Variants in SHROOM3 observed in about 807,000 individuals in gnomAD.
SHROOM3 encodes the protein shroom family member 3, also known as protein Shroom3.
A neutral mutation model predicts 138.6 loss-of-function variants in SHROOM3; 47 were observed. That is an observed-to-expected ratio of 0.34 (90% CI 0.27 to 0.43). The LOEUF is 0.43. Among genes scored for constraint, SHROOM3 ranks in the 20% least tolerant of loss-of-function variants. The pLI, the probability that SHROOM3 is intolerant of heterozygous loss-of-function variation, is 1.00. For missense variants in SHROOM3, 2,491 were observed against 2,596.5 expected (o/e 0.96, Z 0.88); for synonymous variants, 1,062 against 1,063.3 (o/e 1.00, Z 0.02).
intron 2 of SHROOM3, among the ~76,000 whole-genome samples, chr4:76,696,468 A>G (rs1259489785): frequency 6.6e-6 from 1 of 152,240 alleles, no homozygotes; most frequent in Non-Finnish European, 1.5e-5. Context: ...ATGGGGTCAC[A>G]GTCCAGTACC....
intron 2 of SHROOM3, among the ~76,000 whole-genome samples, chr4:76,577,526 C>T (rs912063554): frequency 6.6e-6 from 1 of 152,156 alleles, no homozygotes; most frequent in Non-Finnish European, 1.5e-5. Context: ...AATACCTCTG[C>T]CTCCTGTATT....
chr4:76,696,858 A>T (rs577718566), intron 2 of SHROOM3, among the ~76,000 whole-genome samples: 2 of 152,266 alleles, frequency 1.3e-5, no homozygotes, highest in Admixed American at 1.3e-4. Flanking sequence ...GGCTCTGGGA[A>T]CTGGGGGATA....
chr4:76,535,366 T>G (rs1483774331), intron 1 of SHROOM3, among the ~76,000 whole-genome samples: 2 of 152,184 alleles, frequency 1.3e-5, no homozygotes, highest in Non-Finnish European at 2.9e-5. Context: ...TTCCCCCATA[T>G]TTGATATTTA....
intron 2 of SHROOM3, among the ~76,000 whole-genome samples, chr4:76,624,664 C>T (rs1455826013): frequency 6.6e-6 from 1 of 152,026 alleles, no homozygotes; most frequent in African/African-American, 2.4e-5. Context: ...TGGGACTGTG[C>T]CTCAGAAGCC....
At position 76,749,080 on chromosome 4, in the gene SHROOM3, C is replaced by T. The variant is rs757355198; in HGVS notation, c.3817C>T (p.Pro1273Ser). ...LVKDPCYLAG[P>S]GSRSLSCSER... ...GAAGGATCCATGTTATTTGGCTGGT[C>T]CTGGATCTAGGTATGTACATGTACT... Residue 1273 changes from proline (P) to serine (S), a missense_variant, in exon 6 of 11, where the codon CCT becomes TCT. Transcript: ENST00000296043. The T allele has an allele frequency of 6.2e-7, 1 of 1,613,842 alleles. No individual in the cohort carries two copies. The highest frequency in any genetic ancestry group is 2.2e-5 in the East Asian group (1 of 44,850).
At chr4:76,460,288 C>G (rs545451515) in intron 1 of SHROOM3, among the ~76,000 whole-genome samples, 11 of 152,268 alleles carry the variant, frequency 7.2e-5, no homozygotes, top group Admixed American at 3.3e-4. Flanking sequence ...GCATCCTTCC[C>G]TCTTATGTAT....
chr4:76,621,478 G>A (rs1735006179), intron 2 of SHROOM3, among the ~76,000 whole-genome samples: 1 of 152,208 alleles, frequency 6.6e-6, no homozygotes, highest in Admixed American at 6.5e-5. Context: ...GGGCTATTGA[G>A]CCTTGGAGGT....
chr4:76,747,688 A>G (rs1016454113), intron 5 of SHROOM3, among the ~76,000 whole-genome samples: 6 of 152,184 alleles, frequency 3.9e-5, no homozygotes, highest in Non-Finnish European at 8.8e-5. Context: ...CAACATAGGG[A>G]AAAATGGTGG....
intron 9 of SHROOM3, among the ~76,000 whole-genome samples, chr4:76,765,675 C>T (rs1354245729): frequency 1.3e-5 from 2 of 152,122 alleles, no homozygotes; most frequent in Admixed American, 1.3e-4. Context: ...GAGTATTCCC[C>T]CTACAGACAT....
intron 2 of SHROOM3, among the ~76,000 whole-genome samples, chr4:76,621,626 C>A (rs2110066603): frequency 6.6e-6 from 1 of 152,186 alleles, no homozygotes; most frequent in Admixed American, 6.5e-5. Flanking sequence ...CTGGTGTTTT[C>A]AAAGTTGGGT....
chr4:76,599,613 C>CGG (rs1560559624), intron 2 of SHROOM3, among the ~76,000 whole-genome samples: 1 of 152,186 alleles, frequency 6.6e-6, no homozygotes, highest in Non-Finnish European at 1.5e-5. Context: ...CTCATCATGA[C>CGG]GGTGTCCTAG....
chr4:76,506,574 T>A (rs1373188957), intron 1 of SHROOM3, among the ~76,000 whole-genome samples: 2 of 152,090 alleles, frequency 1.3e-5, no homozygotes, highest in African/African-American at 4.8e-5. Context: ...AATAATGTTA[T>A]CTGTGTTTAG....
intron 1 of SHROOM3, among the ~76,000 whole-genome samples, chr4:76,545,816 G>A (rs1247859838): frequency 1.3e-5 from 2 of 152,108 alleles, no homozygotes; most frequent in Admixed American, 6.5e-5. Context: ...ATGGATGCTC[G>A]AAGAAGGTGC....
At chr4:76,668,726 A>C (rs1718791980) in intron 2 of SHROOM3, among the ~76,000 whole-genome samples, 1 of 152,250 alleles carries the variant, frequency 6.6e-6, no homozygotes, top group Non-Finnish European at 1.5e-5. Flanking sequence ...AAACAGACAC[A>C]CCTGCACAGT....
At position 76,435,951 on chromosome 4, in the gene SHROOM3, T is replaced by C. The variant is rs1478747768; in HGVS notation, c.-102T>C. The C allele has an allele frequency of 2.7e-5, 34 of 1,258,216 alleles. No individual in the cohort carries two copies. Among genetic ancestry groups the C allele is most frequent in the Non-Finnish European group, 3.4e-5 (30 of 895,266 alleles). The allele number at this position is 1,258,216 out of a possible 1,614,324, so 77.9% of individuals were successfully genotyped here. A position where few individuals can be genotyped will look rare whatever the true frequency, so the allele number is the denominator to read the frequency against. On this transcript the variant is annotated 5_prime_UTR_variant, in exon 1 of 11. Transcript: ENST00000296043. ...CTTCTCCAAACCTCTCTTTTGGCCA[T>C]TGTGTGTCCTGAAGGATGGGACAAC...
intron 5 of SHROOM3, 197 bp downstream of exon 5, chr4:76,742,123 T>G: frequency 1.4e-6 from 1 of 722,322 alleles, no homozygotes; most frequent in Non-Finnish European, 2.4e-6. Context: ...GATATAGGTA[T>G]CTAGATTACG....
At chr4:76,655,314 T>G (rs555038052) in intron 2 of SHROOM3, among the ~76,000 whole-genome samples, 10 of 152,308 alleles carry the variant, frequency 6.6e-5, no homozygotes, top group African/African-American at 2.2e-4. Flanking sequence ...CCATGTTCTC[T>G]TTAGACACAG....
chr4:76,556,182 C>T (rs942049308), intron 2 of SHROOM3, among the ~76,000 whole-genome samples: 1 of 152,188 alleles, frequency 6.6e-6, no homozygotes, highest in Admixed American at 6.5e-5. Context: ...TTCTTCAAAA[C>T]AGGCAAATTC....
At chr4:76,623,510 T>C (rs1735053166) in intron 2 of SHROOM3, among the ~76,000 whole-genome samples, 1 of 152,196 alleles carries the variant, frequency 6.6e-6, no homozygotes, top group South Asian at 2.1e-4. Flanking sequence ...GAATCCTCCA[T>C]TTACTACATA....
Sources: allele counts gnomAD v4.1 joint callset (sites outside exome capture counted in the v4.1 genomes callset), GRCh38; gene constraint gnomAD v4.1.1; transcripts MANE v1.5; gene names NCBI Gene and HGNC (gene_info 2026-07-23, HGNC 2026-07-21).